Variants in SCN8A observed in about 807,000 individuals in gnomAD.
The protein encoded by SCN8A is sodium voltage-gated channel alpha subunit 8.
Under a neutral mutation model 184.1 loss-of-function variants are expected in SCN8A, and 30 were observed. That is an observed-to-expected ratio of 0.16 (90% CI 0.12 to 0.22). The LOEUF is 0.22. SCN8A is among the 10% of genes least tolerant of loss of function. The pLI is 1.00. For missense variants in SCN8A, 1,057 were observed against 2,498.9 expected (o/e 0.42, Z 12.30); for synonymous variants, 852 against 907.0 (o/e 0.94, Z 1.09).
intron 13 of SCN8A, 23 bp from the exon 14 acceptor site, chr12:51,751,332 A>G (rs1362812429): frequency 3.1e-5 from 47 of 1,536,718 alleles, no homozygotes; most frequent in Non-Finnish European, 3.9e-5. Context: ...TTGAGGGGCC[A>G]TCTTTGTTCT....
rs575706681 is a variant in SCN8A at position 51,720,239 on chromosome 12, T to A, written c.1636-1307T>A. 5.0e-3 allele frequency among the ~76,000 whole-genome samples: 748 copies of A among 149,786 alleles called. 6 individuals are homozygous for A. Among genetic ancestry groups the A allele is most frequent in the African/African-American group, 0.018 (717 of 40,662 alleles). ...CTATGTAAACTTTTGATGAAAAAAA[T>A]ATGTTTAAAATGGGGTGGATGGAAT... On this transcript the variant is annotated intron_variant, in intron 11 of 26. Transcript: ENST00000627620.
intron 23 of SCN8A, 141 bp downstream of exon 23, chr12:51,788,889 G>A: frequency 1.6e-6 from 1 of 636,666 alleles, no homozygotes; most frequent in Middle Eastern, 2.8e-4. Context: ...TATTGCTTGT[G>A]TTATTGATTA....
intron 12 of SCN8A, among the ~76,000 whole-genome samples, chr12:51,745,375 C>T (rs898449665): frequency 6.6e-6 from 1 of 152,144 alleles, no homozygotes; most frequent in Non-Finnish European, 1.5e-5. Flanking sequence ...CAGTTAGGCC[C>T]AGATTTGGTA....
chr12:51,729,791 A>G (rs1048212200), intron 12 of SCN8A, among the ~76,000 whole-genome samples: 2 of 152,302 alleles, frequency 1.3e-5, no homozygotes, highest in African/African-American at 4.8e-5. Flanking sequence ...CCAACAATGT[A>G]TTAGGGTTAC....
chr12:51,609,609 G>T (rs1035005289), intron 1 of SCN8A, among the ~76,000 whole-genome samples: 1 of 152,106 alleles, frequency 6.6e-6, no homozygotes, highest in Non-Finnish European at 1.5e-5. Flanking sequence ...CTACCCCTAG[G>T]CTGGGGGCAG....
In SCN8A at chr12:51,645,988, AAAAAT is replaced by A. The variant is rs1325661198; in HGVS notation, c.-54-16768_-54-16764del. On this transcript the variant is annotated intron_variant, in intron 1 of 26. Transcript: ENST00000627620. ...AAATAATAATAAAATAAAATTAAATAAAAATAAAATAAGATAAAAGTAAAAAAAAA... is the reference window on the plus strand; with the variant it reads ...AAATAATAATAAAATAAAATTAAATAAAAATAAGATAAAAGTAAAAAAAAA... 1.3e-4 allele frequency among the ~76,000 whole-genome samples: 16 copies of A among 123,260 alleles called. No individual in the cohort carries two copies. In the Admixed American group the frequency reaches 1.3e-3, roughly 10 times the overall value. The allele number at this position is 123,260 out of a possible 152,430, so 80.9% of individuals were successfully genotyped here.
At chr12:51,664,497 C>T (rs534427375) in intron 2 of SCN8A, among the ~76,000 whole-genome samples, 1 of 152,062 alleles carries the variant, frequency 6.6e-6, no homozygotes, top group East Asian at 1.9e-4. Context: ...TGTGAGCCAT[C>T]GCACCTGGCC....
chr12:51,629,222 C>G (rs923000666), intron 1 of SCN8A, among the ~76,000 whole-genome samples: 1 of 152,148 alleles, frequency 6.6e-6, no homozygotes, highest in Non-Finnish European at 1.5e-5. Flanking sequence ...ATGGCAGAGG[C>G]TATTTTTTCC....
At chr12:51,606,203 A>C (rs1298632636) in intron 1 of SCN8A, among the ~76,000 whole-genome samples, 1 of 152,198 alleles carries the variant, frequency 6.6e-6, no homozygotes, top group African/African-American at 2.4e-5. Flanking sequence ...GTTATCTTCT[A>C]GAATTTTTAT....
intron 1 of SCN8A, among the ~76,000 whole-genome samples, chr12:51,626,176 G>A (rs1217224234): frequency 6.6e-6 from 1 of 152,170 alleles, no homozygotes; most frequent in Non-Finnish European, 1.5e-5. Flanking sequence ...AATAATTCCA[G>A]TGGGCTTTAG....
chr12:51,738,232 A>G (rs1942359626), intron 12 of SCN8A, among the ~76,000 whole-genome samples: 1 of 152,192 alleles, frequency 6.6e-6, no homozygotes, highest in Non-Finnish European at 1.5e-5. Flanking sequence ...TTGTTCTGGA[A>G]TTAGAACTTG....
chr12:51,646,556 C>T (rs1940593436), intron 1 of SCN8A, among the ~76,000 whole-genome samples: 1 of 151,932 alleles, frequency 6.6e-6, no homozygotes, highest in South Asian at 2.1e-4. Context: ...TATATTTTAC[C>T]ACAAAAAAAC....
chr12:51,735,190 G>A (rs1942304553), intron 12 of SCN8A, among the ~76,000 whole-genome samples: 2 of 152,126 alleles, frequency 1.3e-5, no homozygotes, highest in Admixed American at 1.3e-4. Flanking sequence ...CGTACTTTTT[G>A]GTATTTCTAC....
At chr12:51,643,175 C>T (rs1422243516) in intron 1 of SCN8A, among the ~76,000 whole-genome samples, 1 of 152,148 alleles carries the variant, frequency 6.6e-6, no homozygotes, top group Non-Finnish European at 1.5e-5. Context: ...ATCTTGTTTT[C>T]AGAGCTTCTT....
At chr12:51,661,257 A>G (rs1223803693) in intron 1 of SCN8A, among the ~76,000 whole-genome samples, 1 of 152,184 alleles carries the variant, frequency 6.6e-6, no homozygotes. Context: ...GATAATTCCT[A>G]CATGGAAATG....
chr12:51,631,652 A>G (rs1437038752), intron 1 of SCN8A, among the ~76,000 whole-genome samples: 1 of 152,208 alleles, frequency 6.6e-6, no homozygotes, highest in African/African-American at 2.4e-5. Context: ...ATCAAACAAA[A>G]TAAAATATCC....
intron 17 of SCN8A, among the ~76,000 whole-genome samples, chr12:51,769,663 G>A (rs907781329): frequency 2.6e-5 from 4 of 152,270 alleles, no homozygotes; most frequent in Admixed American, 6.5e-5. Flanking sequence ...GGTCATTGCC[G>A]TCCGTGAGTA....
chr12:51,775,424 G>A (rs1242488779), intron 20 of SCN8A, among the ~76,000 whole-genome samples: 2 of 152,186 alleles, frequency 1.3e-5, no homozygotes, highest in Non-Finnish European at 2.9e-5. Flanking sequence ...CAATTTCCAT[G>A]GTTAATGACC....
At chr12:51,732,628 G>A (rs1421355194) in intron 12 of SCN8A, among the ~76,000 whole-genome samples, 1 of 151,876 alleles carries the variant, frequency 6.6e-6, no homozygotes, top group African/African-American at 2.4e-5. Flanking sequence ...ATTTTGATAG[G>A]GATTACATTG....
Sources: gnomAD v4.1 joint callset for allele counts (sites outside exome capture counted in the v4.1 genomes callset) on GRCh38, gnomAD v4.1.1 for gene constraint, MANE v1.5 for transcripts, NCBI Gene and HGNC (gene_info 2026-07-23, HGNC 2026-07-21) for gene names.